PLEKHS1: variants seen among roughly 807,000 people sequenced by gnomAD.
PLEKHS1 encodes the protein pleckstrin homology domain-containing family S member 1.
In PLEKHS1, 55 loss-of-function variants were observed where a neutral mutation model predicts 51.0. The observed-to-expected ratio is 1.08, with a 90% CI of 0.87 to 1.35. The LOEUF is 1.35. Ranked by LOEUF, PLEKHS1 falls within the 40% of genes most tolerant of loss-of-function variation. The pLI is 0.00. For missense variants in PLEKHS1, 398 were observed against 423.0 expected (o/e 0.94, Z 0.52); for synonymous variants, 153 against 144.8 (o/e 1.06, Z -0.41).
intron 7 of PLEKHS1, among the ~76,000 whole-genome samples, chr10:113,770,188 C>A (rs1844343106): frequency 6.6e-6 from 1 of 152,174 alleles, no homozygotes. Flanking sequence ...TGGCAACTTG[C>A]TTCCTTTCTT....
chr10:113,770,377 T>C (rs1157791861), intron 7 of PLEKHS1, among the ~76,000 whole-genome samples: 4 of 152,248 alleles, frequency 2.6e-5, no homozygotes, highest in Non-Finnish European at 5.9e-5. Context: ...TCATTTCTAA[T>C]GAAATCCATT....
At chr10:113,753,958 C>T (rs917650924) in intron 1 of PLEKHS1, among the ~76,000 whole-genome samples, 5 of 152,052 alleles carry the variant, frequency 3.3e-5, no homozygotes, top group Non-Finnish European at 7.4e-5. Flanking sequence ...CAGGTGCCCG[C>T]CACCACGCTC....
intron 2 of PLEKHS1, among the ~76,000 whole-genome samples, chr10:113,762,838 T>C (rs1026809844): frequency 1.3e-5 from 2 of 152,176 alleles, no homozygotes; most frequent in Admixed American, 1.3e-4. Flanking sequence ...TGGTTGGTAG[T>C]GTTGTTCAAG....
At chr10:113,763,978 G>A (rs1207573190) in intron 2 of PLEKHS1, among the ~76,000 whole-genome samples, 2 of 152,072 alleles carry the variant, frequency 1.3e-5, no homozygotes, top group Non-Finnish European at 2.9e-5. Context: ...TCCTAATGAT[G>A]AATTATTTCA....
exon 12 of PLEKHS1, chr10:113,780,874 A>G: frequency 8.4e-7 from 1 of 1,188,348 alleles, no homozygotes; most frequent in Non-Finnish European, 1.2e-6. Flanking sequence ...GACAGTCGGC[A>G]CCCCCCTCTG....
chr10:113,767,280 A>G, intron 4 of PLEKHS1, 65 bp from the exon 5 acceptor site: 1 of 1,220,774 alleles, frequency 8.2e-7, no homozygotes. Context: ...GAATCCCAAT[A>G]TAAAATATTA....
At chr10:113,760,624 CTGTT>C (rs1843876067) in intron 2 of PLEKHS1, among the ~76,000 whole-genome samples, 1 of 152,152 alleles carries the variant, frequency 6.6e-6, no homozygotes, top group Non-Finnish European at 1.5e-5. Flanking sequence ...AGAAGAATGT[CTGTT>C]CAAGTTCTTT....
intron 2 of PLEKHS1, among the ~76,000 whole-genome samples, chr10:113,763,148 T>G (rs542191901): frequency 1.3e-5 from 2 of 152,234 alleles, no homozygotes; most frequent in African/African-American, 4.8e-5. Flanking sequence ...ATGTTTAAAT[T>G]TTTATGTCCT....
chr10:113,777,734 T>C (rs1244706479), intron 11 of PLEKHS1: 12 of 1,478,680 alleles, frequency 8.1e-6, no homozygotes, highest in Non-Finnish European at 9.8e-6. Flanking sequence ...CAACTGACCA[T>C]GGAATGTTAT....
At chr10:113,777,198 A>T in intron 11 of PLEKHS1, 1 of 1,612,762 alleles carries the variant, frequency 6.2e-7, no homozygotes, top group Non-Finnish European at 8.5e-7. Flanking sequence ...GCAGTGAATG[A>T]CCTGAAACCC....
intron 2 of PLEKHS1, among the ~76,000 whole-genome samples, chr10:113,764,315 G>T (rs1009021769): frequency 1.3e-5 from 2 of 152,090 alleles, no homozygotes; most frequent in Admixed American, 6.5e-5. Context: ...GGGCAAGCTG[G>T]TCTCAAACCC....
At chr10:113,763,919 C>A (rs1413046236) in intron 2 of PLEKHS1, among the ~76,000 whole-genome samples, 2 of 152,130 alleles carry the variant, frequency 1.3e-5, no homozygotes, top group Non-Finnish European at 2.9e-5. Flanking sequence ...TTTATGTTAT[C>A]ATTTCCCTTC....
At chr10:113,771,242 A>G (rs1844390715) in intron 7 of PLEKHS1, 1 of 152,254 alleles carries the variant, frequency 6.6e-6, no homozygotes, top group Non-Finnish European at 1.5e-5. Context: ...GTGTGTGAAC[A>G]GAACACAAAA....
intron 8 of PLEKHS1, among the ~76,000 whole-genome samples, chr10:113,773,279 A>G (rs574013883): frequency 7.9e-5 from 12 of 152,110 alleles, no homozygotes; most frequent in Non-Finnish European, 1.6e-4. Context: ...ATATTTTCAT[A>G]TTTCTGTTTC....
intron 2 of PLEKHS1, chr10:113,765,164 A>C (rs1004805250): frequency 3.6e-5 from 16 of 439,692 alleles, no homozygotes; most frequent in Non-Finnish European, 5.7e-5. Context: ...TTTCCTGAAT[A>C]TCTTTGTATT....
chr10:113,769,928 C>A, intron 7 of PLEKHS1, 28 bp downstream of exon 7: 1 of 1,500,826 alleles, frequency 6.7e-7, no homozygotes, highest in Non-Finnish European at 9.3e-7. Context: ...TTTCTCAGGA[C>A]ACCACACCTG....
intron 2 of PLEKHS1, chr10:113,765,511 A>G: frequency 1.5e-6 from 1 of 682,600 alleles, no homozygotes; most frequent in Non-Finnish European, 2.7e-6. Flanking sequence ...GACAGTATAT[A>G]TTGCCCTTTG....
intron 1 of PLEKHS1, 60 bp from the exon 2 acceptor site, chr10:113,755,199 T>C (rs1854050716): frequency 6.5e-7 from 1 of 1,533,456 alleles, no homozygotes; most frequent in East Asian, 2.4e-5. Flanking sequence ...CAGCGGTGGC[T>C]GGTCAATGAA....
intron 11 of PLEKHS1, chr10:113,777,938 T>A: frequency 2.2e-6 from 1 of 462,854 alleles, no homozygotes; most frequent in Non-Finnish European, 3.7e-6. Flanking sequence ...TACAGTGTGC[T>A]ATGATTGCAC....
Sources: allele counts gnomAD v4.1 joint callset (sites outside exome capture counted in the v4.1 genomes callset), GRCh38; gene constraint gnomAD v4.1.1; transcripts MANE v1.5; gene names NCBI Gene and HGNC (gene_info 2026-07-23, HGNC 2026-07-21).